C5orf46: variants seen among roughly 807,000 people sequenced by gnomAD.
C5orf46 encodes uncharacterized protein C5orf46.
C5orf46 carries 9 observed loss-of-function variants against 8.9 expected under a neutral mutation model. That is an observed-to-expected ratio of 1.01 (90% CI 0.61 to 1.76). The LOEUF (loss-of-function observed/expected upper bound fraction) is 1.76, where lower values mean the gene tolerates loss of function less well. Among genes scored for constraint, C5orf46 ranks in the 40% most tolerant of loss-of-function variants. The pLI is 0.00. For missense variants in C5orf46, 98 were observed against 107.8 expected (o/e 0.91, Z 0.40); for synonymous variants, 47 against 41.4 (o/e 1.14, Z -0.52).
downstream of C5orf46, among the ~76,000 whole-genome samples, chr5:147,890,864 T>C (rs144879043): frequency 3.9e-4 from 60 of 152,288 alleles, no homozygotes; most frequent in African/African-American, 1.4e-3. Flanking sequence ...AATTTTTAAA[T>C]GAAGTGTTTG....
chr5:147,888,098 T>TG (rs1464947346), downstream of C5orf46, among the ~76,000 whole-genome samples: 2 of 152,192 alleles, frequency 1.3e-5, no homozygotes, highest in Non-Finnish European at 2.9e-5. Flanking sequence ...CATATCCACT[T>TG]GCATTAGTCA....
intron 2 of C5orf46, among the ~76,000 whole-genome samples, chr5:147,900,191 T>C (rs920904599): frequency 6.6e-6 from 1 of 152,164 alleles, no homozygotes; most frequent in Non-Finnish European, 1.5e-5. Context: ...TTCCTTCTTG[T>C]TTACATTAAC....
intron 1 of C5orf46, among the ~76,000 whole-genome samples, chr5:147,904,684 G>A (rs1362995211): frequency 1.3e-5 from 2 of 152,070 alleles, no homozygotes; most frequent in Non-Finnish European, 2.9e-5. Flanking sequence ...GTGATGGATT[G>A]CATGCTCTGG....
chr5:147,898,513 A>T (rs1757618146), intron 2 of C5orf46, among the ~76,000 whole-genome samples: 1 of 152,152 alleles, frequency 6.6e-6, no homozygotes, highest in Non-Finnish European at 1.5e-5. Flanking sequence ...TTTTGTAGCA[A>T]GCAATCAGTT....
At chr5:147,889,775 A>G (rs963253532), downstream of C5orf46, among the ~76,000 whole-genome samples, 1 of 152,180 alleles carries the variant, frequency 6.6e-6, no homozygotes, top group Admixed American at 6.6e-5. Context: ...ATCTTGTCAG[A>G]TTCTCAATTG....
At chr5:147,906,337 C>A in intron 1 of C5orf46, 95 bp downstream of exon 1, 1 of 703,296 alleles carries the variant, frequency 1.4e-6, no homozygotes, top group Non-Finnish European at 2.3e-6. Context: ...CCCAAAGACC[C>A]CTTCTTTCTT....
chr5:147,889,069 A>G (rs1757465535), downstream of C5orf46, among the ~76,000 whole-genome samples: 1 of 151,978 alleles, frequency 6.6e-6, no homozygotes, highest in Non-Finnish European at 1.5e-5. Context: ...AAATAAAAAT[A>G]TTTATATATA....
chr5:147,904,173 T>C (rs1265490865), intron 1 of C5orf46, among the ~76,000 whole-genome samples: 1 of 152,214 alleles, frequency 6.6e-6, no homozygotes, highest in Non-Finnish European at 1.5e-5. Flanking sequence ...GGTTTGTTTT[T>C]ATTGTGGGAA....
At chr5:147,897,490 G>A (rs770095843) in intron 2 of C5orf46, among the ~76,000 whole-genome samples, 73 of 152,122 alleles carry the variant, frequency 4.8e-4, no homozygotes, top group African/African-American at 1.6e-3. Flanking sequence ...TAAAAATTTG[G>A]CTCTCCAGAG....
chr5:147,896,232 T>C (rs902201621), intron 3 of C5orf46, among the ~76,000 whole-genome samples: 29 of 152,216 alleles, frequency 1.9e-4, no homozygotes, highest in African/African-American at 7.0e-4. Flanking sequence ...CTGCTTAAAT[T>C]CAAATTGTGT....
intron 3 of C5orf46, among the ~76,000 whole-genome samples, chr5:147,895,116 T>C (rs1249937939): frequency 1.3e-5 from 2 of 151,912 alleles, no homozygotes; most frequent in African/African-American, 4.8e-5. Flanking sequence ...TCTATCCAAC[T>C]ACCTATCTTA....
At chr5:147,892,986 T>A (rs2288781) in intron 3 of C5orf46, 47 bp from the exon 4 acceptor site, 24 of 152,138 alleles carry the variant, frequency 1.6e-4, no homozygotes, top group African/African-American at 5.8e-4. Flanking sequence ...CAAGTAGAGC[T>A]GGTTTAAGAC....
At chr5:147,898,298 A>T (rs1334652812) in intron 2 of C5orf46, among the ~76,000 whole-genome samples, 1 of 152,160 alleles carries the variant, frequency 6.6e-6, no homozygotes, top group African/African-American at 2.4e-5. Flanking sequence ...ATATACATAT[A>T]CCCGAGGAAG....
At chr5:147,889,908 G>A (rs1320848597), downstream of C5orf46, among the ~76,000 whole-genome samples, 2 of 152,166 alleles carry the variant, frequency 1.3e-5, no homozygotes, top group Non-Finnish European at 2.9e-5. Context: ...CTTAATAAAG[G>A]TAGGTAAGTT....
At chr5:147,904,026 G>A (rs970813865) in intron 1 of C5orf46, among the ~76,000 whole-genome samples, 1 of 152,128 alleles carries the variant, frequency 6.6e-6, no homozygotes, top group African/African-American at 2.4e-5. Flanking sequence ...GGGGTCACAG[G>A]TGTGAGCCAT....
downstream of C5orf46, among the ~76,000 whole-genome samples, chr5:147,890,793 T>C (rs1409952864): frequency 6.6e-6 from 1 of 152,098 alleles, no homozygotes; most frequent in Non-Finnish European, 1.5e-5. Context: ...AGAAAGCTAA[T>C]GAGTAGGAGA....
chr5:147,895,053 ACT>A (rs1757559955), intron 3 of C5orf46, among the ~76,000 whole-genome samples: 2 of 142,056 alleles, frequency 1.4e-5, no homozygotes, highest in African/African-American at 3.0e-5. Context: ...ACAGAGTGAG[ACT>A]CTGTCTCAAA....
chr5:147,893,027 C>T (rs1757525417), intron 3 of C5orf46, 88 bp from the exon 4 acceptor site: 2 of 152,164 alleles, frequency 1.3e-5, no homozygotes, highest in African/African-American at 4.8e-5. Flanking sequence ...TTTAACCTTT[C>T]CCTTAAAATT....
At chr5:147,891,667 T>C (rs2127124110), downstream of C5orf46, among the ~76,000 whole-genome samples, 2 of 152,284 alleles carry the variant, frequency 1.3e-5, no homozygotes, top group South Asian at 4.1e-4. Context: ...TGAGTCAACA[T>C]TGGAAAAGAG....
Sources: gnomAD v4.1 joint callset for allele counts (sites outside exome capture counted in the v4.1 genomes callset) on GRCh38, gnomAD v4.1.1 for gene constraint, MANE v1.5 for transcripts, NCBI Gene and HGNC (gene_info 2026-07-23, HGNC 2026-07-21) for gene names.